Variants in PAH observed in about 807,000 individuals in gnomAD.
PAH encodes the protein phenylalanine-4-hydroxylase.
In PAH, 64 loss-of-function variants were observed where a neutral mutation model predicts 62.0. The ratio of observed to expected loss-of-function variants is 1.03; its 90% confidence interval spans 0.84 to 1.27. The LOEUF is 1.27. Among genes scored for constraint, PAH ranks in the 50% most tolerant of loss-of-function variants. The pLI, the probability that PAH is intolerant of heterozygous loss-of-function variation, is 0.00. For missense variants in PAH, 579 were observed against 542.8 expected, an observed-to-expected ratio of 1.07 and a Z score of -0.66; for synonymous variants, 195 against 196.2, an observed-to-expected ratio of 0.99 and a Z score of 0.05.
intron 9 of PAH, among the ~76,000 whole-genome samples, chr12:102,845,486 A>G (rs1565843249): frequency 6.6e-6 from 1 of 152,206 alleles, no homozygotes; most frequent in Non-Finnish European, 1.5e-5. Flanking sequence ...TTCTGAAGTC[A>G]ACTACTGCAT....
rs796064502 is a variant in PAH at position 102,894,845 on chromosome 12, G to T, written c.242C>A (p.Thr81Asn). 1 of 1,613,716 alleles carries T rather than the reference G, an allele frequency of 6.2e-7. No homozygotes were observed. The highest frequency in any genetic ancestry group is 8.5e-7 in the Non-Finnish European group (1 of 1,179,718). ...RLKKDEYEFF[T>N]HLDKRSLPAL... ...AGGCAGGCTACGTTTATCCAAATGG[G>T]TGAAAAATTCATACTCATCTTTCTT... The change falls in exon 3 of 13, where the codon ACC (threonine) becomes AAC (asparagine). Residue 81 changes from threonine to asparagine, a missense_variant. Physicochemically the swap from Thr to Asn is moderately conservative, Grantham distance 65. Coordinates refer to ENST00000553106, the MANE Select transcript of PAH (RefSeq NM_000277.3).
intron 9 of PAH, among the ~76,000 whole-genome samples, chr12:102,844,635 C>T (rs1013038110): frequency 6.6e-6 from 1 of 152,138 alleles, no homozygotes; most frequent in African/African-American, 2.4e-5. Context: ...GCGGGAACCA[C>T]CCAATGGGCT....
At chr12:102,898,159 C>G (rs1877590904) in intron 2 of PAH, among the ~76,000 whole-genome samples, 1 of 152,224 alleles carries the variant, frequency 6.6e-6, no homozygotes. Context: ...GTGCAAAGAG[C>G]TGGGAAGCTG....
In PAH at chr12:102,880,046, G is replaced by A. The variant is rs564709885; in HGVS notation, c.353-2496C>T. Among the ~76,000 whole-genome samples, 32 of 152,214 alleles carry A rather than the reference G, an allele frequency of 2.1e-4. 1 individual carries two copies. The highest frequency in any genetic ancestry group is 6.7e-4 in the African/African-American group (28 of 41,534). On this transcript the variant is annotated intron_variant, in intron 3 of 12. Transcript: ENST00000553106. Reference sequence around the variant, plus strand: ...TTGAGGTAGGTATTATTATTATCCCGTTTTACAGATGAAGAAACTGAGGAA... The same window carrying A: ...TTGAGGTAGGTATTATTATTATCCCATTTTACAGATGAAGAAACTGAGGAA...
chr12:102,861,276 G>A (rs1592958300), intron 5 of PAH, among the ~76,000 whole-genome samples: 2 of 152,088 alleles, frequency 1.3e-5, no homozygotes, highest in African/African-American at 2.4e-5. Context: ...CAAAACCACA[G>A]TGAGATACCA....
chr12:102,859,757 T>G (rs1875631691), intron 5 of PAH, among the ~76,000 whole-genome samples: 1 of 152,196 alleles, frequency 6.6e-6, no homozygotes, highest in South Asian at 2.1e-4. Context: ...GAGAAGGCCT[T>G]TGACAAAATT....
chr12:102,939,806 G>T (rs1399965729), intron 1 of PAH, among the ~76,000 whole-genome samples: 1 of 152,190 alleles, frequency 6.6e-6, no homozygotes, highest in African/African-American at 2.4e-5. Flanking sequence ...CACTGCCAAG[G>T]TCTCTGCCCC....
chr12:102,916,101 A>G (rs1042047127), intron 1 of PAH, among the ~76,000 whole-genome samples: 7 of 151,974 alleles, frequency 4.6e-5, no homozygotes, highest in Admixed American at 6.6e-5. Flanking sequence ...CCTCTGTACA[A>G]TAAGTTCTGT....
chr12:102,930,014 A>T (rs1223360004), intron 1 of PAH, among the ~76,000 whole-genome samples: 1 of 152,208 alleles, frequency 6.6e-6, no homozygotes, highest in Non-Finnish European at 1.5e-5. Context: ...ATTATGTGTT[A>T]TCTTTCTAAA....
At chr12:102,871,738 C>T (rs1388389493) in intron 4 of PAH, among the ~76,000 whole-genome samples, 1 of 151,894 alleles carries the variant, frequency 6.6e-6, no homozygotes, top group African/African-American at 2.4e-5. Context: ...GCCTGGCCCA[C>T]ATAGTGAAAT....
exon 1 of PAH, chr12:102,958,289 G>C: frequency 6.8e-7 from 1 of 1,477,994 alleles, no homozygotes; most frequent in Non-Finnish European, 8.9e-7. Context: ...CCGGCCAGCA[G>C]CCCCAGCCGC....
chr12:102,840,653 G>C (rs1296950238), intron 11 of PAH, 138 bp from the exon 12 acceptor site: 4 of 702,990 alleles, frequency 5.7e-6, no homozygotes, highest in Non-Finnish European at 1.1e-5. Context: ...AGCCAGGGCT[G>C]AGGCGGGGGG....
chr12:102,882,162 C>T (rs1876837423), intron 3 of PAH, among the ~76,000 whole-genome samples: 1 of 152,206 alleles, frequency 6.6e-6, no homozygotes, highest in Admixed American at 6.5e-5. Context: ...ATGCTATTTA[C>T]TATGAAATCC....
chr12:102,897,628 C>A (rs1359498759), intron 2 of PAH, among the ~76,000 whole-genome samples: 1 of 152,046 alleles, frequency 6.6e-6, no homozygotes, highest in African/African-American at 2.4e-5. Context: ...AGCTGTGATG[C>A]ATTATCAGAA....
At chr12:102,866,092 A>AAAAC (rs1316117170) in intron 5 of PAH, among the ~76,000 whole-genome samples, 2 of 151,932 alleles carry the variant, frequency 1.3e-5, no homozygotes, top group Non-Finnish European at 2.9e-5. Flanking sequence ...GGAAAAAAAA[A>AAAAC]AAACCATCCT....
At chr12:102,918,329 G>A (rs933367999), upstream of PAH, among the ~76,000 whole-genome samples, 3 of 152,152 alleles carry the variant, frequency 2.0e-5, no homozygotes, top group Non-Finnish European at 4.4e-5. Context: ...CTCAAGCCTT[G>A]AGTGCCTGCT....
intron 1 of PAH, among the ~76,000 whole-genome samples, chr12:102,931,999 A>G (rs1185141121): frequency 1.3e-5 from 2 of 152,158 alleles, no homozygotes; most frequent in African/African-American, 2.4e-5. Flanking sequence ...GAATAAATGA[A>G]TGGCGGTGTG....
chr12:102,868,064 A>ATATATACACC lies in PAH; in HGVS notation c.442-1402_442-1401insGGTGTATATA, dbSNP rs1491173971. ...CCTATATATATGTATATATATACAC[A>ATATATACACC]TATATATACATATATGTGTGTGTGT... On this transcript the variant is annotated intron_variant, in intron 4 of 12. Transcript: ENST00000553106. 4.1e-5 allele frequency among the ~76,000 whole-genome samples: 5 copies of ATATATACACC among 121,148 alleles called. 1 individual carries two copies. The highest frequency in any genetic ancestry group is 1.8e-4 in the African/African-American group (5 of 28,480). 79.5% of individuals were successfully genotyped at this position (121,148 alleles called of 152,430 possible).
At chr12:102,933,789 G>C (rs528005161) in intron 1 of PAH, among the ~76,000 whole-genome samples, 1 of 152,036 alleles carries the variant, frequency 6.6e-6, no homozygotes, top group South Asian at 2.1e-4. Flanking sequence ...TTTTCAATTG[G>C]ATTATTAGAA....
Sources: gnomAD v4.1 joint callset for allele counts (sites outside exome capture counted in the v4.1 genomes callset) on GRCh38, gnomAD v4.1.1 for gene constraint, MANE v1.5 for transcripts, NCBI Gene and HGNC (gene_info 2026-07-23, HGNC 2026-07-21) for gene names.